Variants in NT5DC1 observed in about 807,000 individuals in gnomAD.
NT5DC1 encodes the protein 5'-nucleotidase domain-containing protein 1.
Under a neutral mutation model 59.4 loss-of-function variants are expected in NT5DC1, and 42 were observed. The observed-to-expected ratio is 0.71, with a 90% CI of 0.55 to 0.92. The LOEUF (loss-of-function observed/expected upper bound fraction) is 0.92, where lower values mean the gene tolerates loss of function less well. Ranked by LOEUF, NT5DC1 falls within the 40% of genes least tolerant of loss-of-function variation. The pLI, the probability that NT5DC1 is intolerant of heterozygous loss-of-function variation, is 0.00. For synonymous variants in NT5DC1, 172 were observed against 188.1 expected (o/e 0.91, Z 0.70); for missense variants, 501 against 537.1 (o/e 0.93, Z 0.66).
chr6:116,155,281 A>G (rs1023457741), intron 6 of NT5DC1, among the ~76,000 whole-genome samples: 2 of 152,182 alleles, frequency 1.3e-5, no homozygotes, highest in African/African-American at 4.8e-5. Flanking sequence ...ACTGCTCCAG[A>G]TATCTGGGAT....
At chr6:116,235,353 G>A (rs1334221749) in intron 8 of NT5DC1, among the ~76,000 whole-genome samples, 2 of 152,032 alleles carry the variant, frequency 1.3e-5, no homozygotes, top group Admixed American at 1.3e-4. Context: ...TTTAATGTTA[G>A]GCTAGTACAT....
intron 6 of NT5DC1, chr6:116,119,525 G>A (rs1034613914): frequency 6.5e-6 from 1 of 153,764 alleles, no homozygotes; most frequent in Non-Finnish European, 1.5e-5. Context: ...TGATGAAAGG[G>A]GCCATACAGG....
chr6:116,224,885 A>C (rs1781877800), intron 8 of NT5DC1, among the ~76,000 whole-genome samples: 1 of 152,210 alleles, frequency 6.6e-6, no homozygotes. Context: ...GGGAAGAAGA[A>C]GACCTGGCAA....
chr6:116,211,736 A>G (rs1430604114), intron 6 of NT5DC1, among the ~76,000 whole-genome samples: 1 of 152,078 alleles, frequency 6.6e-6, no homozygotes, highest in African/African-American at 2.4e-5. Flanking sequence ...AGACATTTTT[A>G]TAAGATTTTT....
Position 116,108,384 on chromosome 6 carries a change from A to T in NT5DC1, c.206A>T (p.Asp69Val). The T allele has an allele frequency of 6.2e-7, 1 of 1,608,056 alleles. No homozygotes were observed. The highest frequency in any genetic ancestry group is 8.5e-7 in the Non-Finnish European group (1 of 1,174,658). ...WDFCCKGLAL[D>V]LEDGNFLKLA... ...TTCAGTTGCAAAGGTTTGGCATTGG[A>T]TCTAGAAGATGGGAACTTCCTTAAA... Residue 69 changes from aspartate to valine, a missense_variant, in exon 3 of 12, where the codon GAT becomes GTT. Asp to Val is a radical substitution (Grantham distance 152, BLOSUM62 -3). Transcript: ENST00000319550.
At chr6:116,213,528 A>G (rs1474772114) in intron 6 of NT5DC1, among the ~76,000 whole-genome samples, 1 of 152,102 alleles carries the variant, frequency 6.6e-6, no homozygotes, top group Non-Finnish European at 1.5e-5. Context: ...TAACCTCTCC[A>G]GATATAAAAG....
chr6:116,191,459 G>A lies in NT5DC1; in HGVS notation c.530-29595G>A, dbSNP rs148506158. 5.9e-4 allele frequency among the ~76,000 whole-genome samples: 90 copies of A among 152,168 alleles called. 1 individual carries two copies. Among genetic ancestry groups the A allele is most frequent in the Middle Eastern group, 3.4e-3 (1 of 294 alleles). ...GGAAAAATGTTTTACAGTGTAAGAG[G>A]TTTCTACTTAGTAAGTGCTTCATAA... On this transcript the variant is annotated intron_variant, in intron 6 of 11. Transcript: ENST00000319550.
At chr6:116,142,437 G>A (rs895995240) in intron 6 of NT5DC1, among the ~76,000 whole-genome samples, 9 of 151,926 alleles carry the variant, frequency 5.9e-5, no homozygotes, top group Non-Finnish European at 4.4e-5. Context: ...TATCATCAAT[G>A]CTAGTTCTAC....
At chr6:116,210,704 A>G (rs1201224929) in intron 6 of NT5DC1, among the ~76,000 whole-genome samples, 3 of 151,984 alleles carry the variant, frequency 2.0e-5, no homozygotes, top group Non-Finnish European at 4.4e-5. Flanking sequence ...TAAATAATCT[A>G]TTTTAAAAGT....
At chr6:116,197,323 T>C (rs867381504) in intron 6 of NT5DC1, among the ~76,000 whole-genome samples, 1 of 152,006 alleles carries the variant, frequency 6.6e-6, no homozygotes, top group Non-Finnish European at 1.5e-5. Flanking sequence ...CTGAGACTTA[T>C]AACTGAACAT....
At chr6:116,181,249 A>G (rs1780867262) in intron 6 of NT5DC1, among the ~76,000 whole-genome samples, 1 of 152,060 alleles carries the variant, frequency 6.6e-6, no homozygotes, top group Non-Finnish European at 1.5e-5. Flanking sequence ...TAAATATAGT[A>G]AACATTAGGT....
At chr6:116,139,288 G>T (rs921490587) in intron 6 of NT5DC1, among the ~76,000 whole-genome samples, 5 of 152,058 alleles carry the variant, frequency 3.3e-5, no homozygotes, top group African/African-American at 1.2e-4. Context: ...TTAACTTAAA[G>T]AATAAATTCT....
At chr6:116,222,910 T>C (rs766949876) in intron 7 of NT5DC1, 124 bp from the exon 8 acceptor site, 7 of 601,706 alleles carry the variant, frequency 1.2e-5, no homozygotes, top group Non-Finnish European at 2.1e-5. Context: ...ATATAAAGCA[T>C]GTAAAAGTTA....
intron 6 of NT5DC1, among the ~76,000 whole-genome samples, chr6:116,157,293 T>C (rs1045846201): frequency 6.6e-6 from 1 of 152,196 alleles, no homozygotes; most frequent in East Asian, 1.9e-4. Context: ...TGTCAGATTG[T>C]GTGGCACCAG....
At chr6:116,191,189 TAAAG>T (rs1235999323) in intron 6 of NT5DC1, among the ~76,000 whole-genome samples, 1 of 151,884 alleles carries the variant, frequency 6.6e-6, no homozygotes, top group Non-Finnish European at 1.5e-5. Flanking sequence ...ATATCCTAAA[TAAAG>T]AAAGAGAAAT....
At chr6:116,167,959 A>G (rs1467167218) in intron 6 of NT5DC1, among the ~76,000 whole-genome samples, 1 of 151,810 alleles carries the variant, frequency 6.6e-6, no homozygotes, top group Non-Finnish European at 1.5e-5. Context: ...TCTAGTTTCT[A>G]TTGTTTATGT....
At chr6:116,143,780 CTA>C (rs1330344948) in intron 6 of NT5DC1, among the ~76,000 whole-genome samples, 2 of 152,078 alleles carry the variant, frequency 1.3e-5, no homozygotes, top group Non-Finnish European at 2.9e-5. Context: ...ACAAAATTAG[CTA>C]TAGTAATTCA....
chr6:116,114,158 A>T (rs1250532441), intron 4 of NT5DC1, among the ~76,000 whole-genome samples: 2 of 152,222 alleles, frequency 1.3e-5, no homozygotes, highest in East Asian at 1.9e-4. Flanking sequence ...TGAAAAAATG[A>T]AAAACAGGAA....
chr6:116,150,632 C>T (rs1366211506), intron 6 of NT5DC1, among the ~76,000 whole-genome samples: 1 of 152,052 alleles, frequency 6.6e-6, no homozygotes, highest in Non-Finnish European at 1.5e-5. Context: ...AATAGAAGTC[C>T]CTGGACAAGA....
Sources: gnomAD v4.1 joint callset for allele counts (sites outside exome capture counted in the v4.1 genomes callset) on GRCh38, gnomAD v4.1.1 for gene constraint, MANE v1.5 for transcripts, NCBI Gene and HGNC (gene_info 2026-07-23, HGNC 2026-07-21) for gene names.